CYP2C18: variants seen among roughly 807,000 people sequenced by gnomAD.
CYP2C18 encodes cytochrome P450 family 2 subfamily C member 18.
CYP2C18 carries 38 observed loss-of-function variants against 41.3 expected under a neutral mutation model. The observed-to-expected ratio is 0.92, with a 90% confidence interval of 0.71 to 1.21. CYP2C18 has a LOEUF of 1.21. Among genes scored for constraint, CYP2C18 ranks in the 50% most tolerant of loss-of-function variants. The probability of loss-of-function intolerance (pLI) is 0.00; values close to 1 mark genes in which losing one functional copy is unlikely to be tolerated. For missense variants in CYP2C18, 635 were observed against 591.4 expected, an observed-to-expected ratio of 1.07 and a Z score of -0.77; for synonymous variants, 236 against 210.0, an observed-to-expected ratio of 1.12 and a Z score of -1.07.
chr10:94,733,146 T>C (rs1847862656), intron 7 of CYP2C18, 151 bp from the exon 8 acceptor site: 1 of 686,592 alleles, frequency 1.5e-6, no homozygotes, highest in Non-Finnish European at 2.4e-6. Flanking sequence ...TCATACTGCT[T>C]CTTACTAGGT....
chr10:94,705,056 A>T (rs1183441148), intron 4 of CYP2C18, among the ~76,000 whole-genome samples: 1 of 152,174 alleles, frequency 6.6e-6, no homozygotes, highest in Admixed American at 6.5e-5. Flanking sequence ...AATAGGAACC[A>T]GGGCCTTCCA....
intron 8 of CYP2C18, 144 bp downstream of exon 8, chr10:94,733,582 C>G (rs1847870958): frequency 4.8e-6 from 7 of 1,457,560 alleles, no homozygotes; most frequent in South Asian, 1.5e-5. Flanking sequence ...ATGCGATTTC[C>G]CTGCTGATGA....
chr10:94,688,114 T>C lies in CYP2C18; in HGVS notation c.332-11T>C. ...ATTCTCCCTCGTAGCTTCTGTTTTCTGTTCTGCTAGGAATCCTTTTCAGCA... is the reference window on the plus strand; with the variant it reads ...ATTCTCCCTCGTAGCTTCTGTTTTCCGTTCTGCTAGGAATCCTTTTCAGCA... On this transcript the variant is annotated splice_polypyrimidine_tract_variant and intron_variant, in intron 2 of 8. Coordinates refer to ENST00000285979, the MANE Select transcript of CYP2C18 (RefSeq NM_000772.3). 2 of 1,613,380 alleles carry C rather than the reference T, an allele frequency of 1.2e-6. No individual in the cohort carries two copies. Among genetic ancestry groups the C allele is most frequent in the Non-Finnish European group, 1.7e-6 (2 of 1,179,666 alleles).
chr10:94,733,302 G>A lies in CYP2C18; in HGVS notation c.1155G>A (p.Thr385=), dbSNP rs114879149. Residue 385 remains threonine (T), a synonymous_variant, in exon 8 of 9, where the codon ACG becomes ACA. Coordinates refer to ENST00000285979, the MANE Select transcript of CYP2C18 (RefSeq NM_000772.3). ...KFKNYLIPKG[T]TIITSLTSVL... Reference sequence around the variant, plus strand: ...GTCTGTTTTGCTATTTTCAGGGCACGACCATAATAACATCCCTGACTTCTG... The same window carrying A: ...GTCTGTTTTGCTATTTTCAGGGCACAACCATAATAACATCCCTGACTTCTG... 6.7e-4 allele frequency: 1,079 copies of A among 1,612,006 alleles called. 5 individuals carry two copies. In the African/African-American group the frequency reaches 0.012, roughly 17 times the overall value.
intron 4 of CYP2C18, among the ~76,000 whole-genome samples, chr10:94,701,390 G>T (rs1847241628): frequency 6.6e-6 from 1 of 152,056 alleles, no homozygotes; most frequent in Non-Finnish European, 1.5e-5. Context: ...AACACTGCAT[G>T]TTCTCACTTA....
chr10:94,694,258 CT>C (rs1476736297), intron 3 of CYP2C18, among the ~76,000 whole-genome samples: 1 of 151,990 alleles, frequency 6.6e-6, no homozygotes, highest in Non-Finnish European at 1.5e-5. Context: ...CTTTTTCTGT[CT>C]GCTCTATTTG....
chr10:94,696,935 G>T (rs1847129156), intron 4 of CYP2C18, among the ~76,000 whole-genome samples: 1 of 152,152 alleles, frequency 6.6e-6, no homozygotes, highest in African/African-American at 2.4e-5. Context: ...AGCAAAAAAA[G>T]AATAAGAAGA....
intron 4 of CYP2C18, among the ~76,000 whole-genome samples, chr10:94,701,897 G>T (rs958536663): frequency 6.6e-6 from 1 of 152,086 alleles, no homozygotes; most frequent in Non-Finnish European, 1.5e-5. Flanking sequence ...ATGAAAAATT[G>T]CACTCACTGG....
intron 4 of CYP2C18, 24 bp downstream of exon 4, chr10:94,695,101 T>G (rs1314747492): frequency 1.9e-6 from 3 of 1,569,952 alleles, no homozygotes; most frequent in Non-Finnish European, 2.6e-6. Flanking sequence ...CTTCTCTTCC[T>G]GAGATATTAT....
rs1589789084 is a variant in CYP2C18, at chr10:94,683,765, A to G, written c.-55A>G. ...CACAGGTGGATTAGTAGGGAGTGTT[A>G]TAAAAGCCTTGAAGTGAAAGCCCGC... On this transcript the variant is annotated 5_prime_UTR_variant, in exon 1 of 9. Transcript: ENST00000285979. The G allele has an allele frequency of 1.1e-5, 15 of 1,415,654 alleles. No individual in the cohort carries two copies. In the South Asian group the frequency reaches 1.7e-4, roughly 16 times the overall value. The allele number at this position is 1,415,654 out of a possible 1,614,324, so 87.7% of individuals were successfully genotyped here. A position where few individuals can be genotyped will look rare whatever the true frequency, so the allele number is the denominator to read the frequency against.
At chr10:94,729,453 G>A (rs1354901120) in intron 7 of CYP2C18, among the ~76,000 whole-genome samples, 1 of 151,728 alleles carries the variant, frequency 6.6e-6, no homozygotes, top group African/African-American at 2.4e-5. Flanking sequence ...AATATGCTGT[G>A]GCAAAAAGCA....
chr10:94,701,884 C>T (rs1036039773), intron 4 of CYP2C18, among the ~76,000 whole-genome samples: 1 of 152,122 alleles, frequency 6.6e-6, no homozygotes, highest in Non-Finnish European at 1.5e-5. Context: ...GAGTGTCTTC[C>T]TCATGAAAAA....
intron 5 of CYP2C18, among the ~76,000 whole-genome samples, chr10:94,707,970 G>T (rs1016387194): frequency 1.3e-5 from 2 of 152,154 alleles, no homozygotes; most frequent in African/African-American, 4.8e-5. Flanking sequence ...ACACTAAGGT[G>T]CAAAGTACTC....
At chr10:94,694,766 T>C (rs1847080965) in intron 3 of CYP2C18, 151 bp from the exon 4 acceptor site, 1 of 839,088 alleles carries the variant, frequency 1.2e-6, no homozygotes, top group East Asian at 2.8e-5. Context: ...AAGTGAGGTA[T>C]TAAATTTCAA....
At chr10:94,722,553 G>A (rs1184705256) in intron 6 of CYP2C18, among the ~76,000 whole-genome samples, 2 of 151,988 alleles carry the variant, frequency 1.3e-5, no homozygotes, top group East Asian at 3.9e-4. Context: ...GCAACCTAAG[G>A]GTCATAAGAA....
chr10:94,712,419 A>C (rs1038661192), intron 5 of CYP2C18, among the ~76,000 whole-genome samples: 2 of 151,772 alleles, frequency 1.3e-5, no homozygotes, highest in Admixed American at 6.6e-5. Context: ...TAGATTCCAC[A>C]TATAAGTGAG....
chr10:94,688,138 C>CA lies in CYP2C18; in HGVS notation c.347dup (p.Asn116LysfsTer50). On this transcript the variant is annotated frameshift_variant, in exon 3 of 9. Transcript: ENST00000285979. LOFTEE classifies it high-confidence loss of function. The stretch of plus-strand genomic sequence containing the variant: ...CTGTTCTGCTAGGAATCCTTTTCAG[C>CA]AATGGAAAGAGATGGAAGGAGATCC... 1.9e-6 allele frequency: 3 copies of CA among 1,613,476 alleles called. No homozygotes were observed. The highest frequency in any genetic ancestry group is 2.5e-6 in the Non-Finnish European group (3 of 1,179,750).
chr10:94,714,144 G>C (rs552774291), intron 5 of CYP2C18, among the ~76,000 whole-genome samples: 1 of 152,054 alleles, frequency 6.6e-6, no homozygotes, highest in Non-Finnish European at 1.5e-5. Context: ...TCACTCTGAT[G>C]GTAGTTTCTT....
At position 94,711,824 on chromosome 10, in the gene CYP2C18, CT is replaced by C. The variant is rs74571308; in HGVS notation, c.819+4874del. On this transcript the variant is annotated intron_variant, in intron 5 of 8. Coordinates refer to ENST00000285979, the MANE Select transcript of CYP2C18 (RefSeq NM_000772.3). ...AGTCTGTACATGTCCAATATGAACACTTTTTTTTTTCTGAATTTTATTCTTT... is the reference window on the plus strand; with the variant it reads ...AGTCTGTACATGTCCAATATGAACACTTTTTTTTTCTGAATTTTATTCTTT... Among the ~76,000 whole-genome samples, 1,148 of 148,904 alleles carry C rather than the reference CT, an allele frequency of 7.7e-3. 11 individuals carry two copies. The highest frequency in any genetic ancestry group is 0.02 in the African/African-American group (818 of 40,652).
Sources: allele counts gnomAD v4.1 joint callset (sites outside exome capture counted in the v4.1 genomes callset), GRCh38; gene constraint gnomAD v4.1.1; transcripts MANE v1.5; gene names NCBI Gene and HGNC (gene_info 2026-07-23, HGNC 2026-07-21).